The following MED13L variants were observed in gnomAD, a reference collection of about 807,000 sequenced individuals.
The protein encoded by MED13L is mediator of RNA polymerase II transcription subunit 13-like.
In MED13L, 7 loss-of-function variants were observed where a neutral mutation model predicts 220.9. The ratio of observed to expected loss-of-function variants is 0.03; its 90% CI spans 0.02 to 0.06. The LOEUF (loss-of-function observed/expected upper bound fraction) is 0.06, where lower values mean the gene tolerates loss of function less well. Among genes scored for constraint, MED13L ranks in the 10% least tolerant of loss-of-function variants. The probability of loss-of-function intolerance (pLI) is 1.00; values close to 1 mark genes in which losing one functional copy is unlikely to be tolerated. For missense variants in MED13L, 1,965 were observed against 2,760.5 expected (o/e 0.71, Z 6.46); for synonymous variants, 1,011 against 1,015.2 (o/e 1.00, Z 0.08).
chr12:116,077,084 C>CGGAT (rs1421742665), intron 4 of MED13L, among the ~76,000 whole-genome samples: 1 of 152,162 alleles, frequency 6.6e-6, no homozygotes, highest in Admixed American at 6.5e-5. Flanking sequence ...CCAAGGCATC[C>CGGAT]AAACCTTACA....
chr12:116,230,422 A>C, intron 2 of MED13L: 1 of 942,176 alleles, frequency 1.1e-6, no homozygotes, highest in Non-Finnish European at 1.3e-6. Flanking sequence ...AAAAAGTAAA[A>C]TGAAACTTAC....
At chr12:116,119,015 T>A (rs951908308) in intron 2 of MED13L, among the ~76,000 whole-genome samples, 1 of 152,154 alleles carries the variant, frequency 6.6e-6, no homozygotes, top group Non-Finnish European at 1.5e-5. Context: ...AGGCACTACA[T>A]ATAAATGGGG....
At chr12:115,972,403 C>G in intron 25 of MED13L, 167 bp from the exon 26 acceptor site, 2 of 762,626 alleles carry the variant, frequency 2.6e-6, no homozygotes, top group Non-Finnish European at 4.4e-6. Context: ...TGTTACTCGA[C>G]TTCTATTACA....
In MED13L at chr12:116,007,548, G is replaced by C. The variant is rs763135121; in HGVS notation, c.2101C>G (p.Leu701Val). Residue 701 changes from leucine (L) to valine (V), a missense_variant, in exon 11 of 31, where the codon CTA (leucine) becomes GTA (valine). Leu to Val is a conservative substitution (Grantham distance 32). This residue lies in a region of MED13L where 818 missense variants were observed against 1,041.2 expected (regional missense o/e 0.79). Transcript: ENST00000281928. Reference protein sequence around the residue: ...QPLHFLDPLPLSQQPGDSLGE... With the variant: ...QPLHFLDPLPVSQQPGDSLGE... ...AAACTGTCTCCAGGTTGTTGTGATA[G>C]AGGCAATGGGTCAAGGAAGTGGAGT... 6 of 1,613,032 alleles carry C rather than the reference G, an allele frequency of 3.7e-6. No homozygotes were observed. Among genetic ancestry groups the C allele is most frequent in the Non-Finnish European group, 5.1e-6 (6 of 1,179,870 alleles).
At chr12:116,210,397 T>C (rs1287151620) in intron 2 of MED13L, among the ~76,000 whole-genome samples, 1 of 151,914 alleles carries the variant, frequency 6.6e-6, no homozygotes, top group East Asian at 1.9e-4. Context: ...ATATTGTTAC[T>C]TCTCTCAAAC....
intron 4 of MED13L, among the ~76,000 whole-genome samples, chr12:116,067,043 T>C (rs896260361): frequency 1.3e-5 from 2 of 152,064 alleles, no homozygotes; most frequent in Non-Finnish European, 2.9e-5. Flanking sequence ...GTGGAAATAA[T>C]TGTGGAGGAC....
At chr12:116,051,347 T>C (rs1038093693) in intron 4 of MED13L, among the ~76,000 whole-genome samples, 2 of 152,152 alleles carry the variant, frequency 1.3e-5, no homozygotes, top group Non-Finnish European at 2.9e-5. Flanking sequence ...TTAACTTCAA[T>C]AATTTTTAAA....
intron 2 of MED13L, among the ~76,000 whole-genome samples, chr12:116,214,644 C>G (rs1593172986): frequency 6.6e-6 from 1 of 151,956 alleles, no homozygotes; most frequent in South Asian, 2.1e-4. Context: ...AGCTTTTTTT[C>G]TCTTGATCTC....
chr12:116,191,946 C>A (rs1881316341), intron 2 of MED13L, among the ~76,000 whole-genome samples: 1 of 152,146 alleles, frequency 6.6e-6, no homozygotes, highest in Admixed American at 6.5e-5. Flanking sequence ...AGAATACACA[C>A]AAACTATTAA....
chr12:116,037,326 CTT>C (rs1881251499), intron 4 of MED13L, among the ~76,000 whole-genome samples: 1 of 152,162 alleles, frequency 6.6e-6, no homozygotes, highest in African/African-American at 2.4e-5. Flanking sequence ...GCAGTCAAAA[CTT>C]TGTTTTATGC....
chr12:116,096,670 T>C lies in MED13L; in HGVS notation c.478A>G (p.Ser160Gly), dbSNP rs769061925. 6 of 1,613,786 alleles carry C rather than the reference T, an allele frequency of 3.7e-6. No homozygotes were observed. The South Asian group carries it at 5.5e-5, about 15-fold the overall frequency. The change falls in exon 4 of 31, where the codon AGT becomes GGT. Residue 160 changes from serine to glycine, a missense_variant and splice_region_variant. Around this residue, in one of 10 missense-constraint regions of MED13L, gnomAD observed 818 missense variants for 1,041.2 expected, o/e 0.79. Transcript: ENST00000281928. ...GCCAAGAGCATTCTAAAGGCTCACC[T>C]TTTGTTGACTGGCTTTTCATCCTTT... is the stretch of plus-strand genomic sequence containing the variant. ...YEKDEKPVNK[S>G]EHLSCAFTFF...
At chr12:115,993,923 G>A (rs994241717) in intron 16 of MED13L, among the ~76,000 whole-genome samples, 2 of 152,188 alleles carry the variant, frequency 1.3e-5, no homozygotes, top group African/African-American at 2.4e-5. Flanking sequence ...GATTGCAGGG[G>A]TATTGCATGT....
intron 2 of MED13L, among the ~76,000 whole-genome samples, chr12:116,205,378 G>C (rs537399926): frequency 1.3e-5 from 2 of 150,872 alleles, no homozygotes; most frequent in African/African-American, 4.9e-5. Context: ...AACAGAACTA[G>C]TCCTCTTCTC....
At chr12:116,276,482 G>T in intron 1 of MED13L, 2 of 1,288,448 alleles carry the variant, frequency 1.6e-6, no homozygotes, top group Non-Finnish European at 2.0e-6. Flanking sequence ...AGTAAGCCCC[G>T]AGAGGCAGGC....
intron 9 of MED13L, among the ~76,000 whole-genome samples, chr12:116,012,375 CTCGATCAAAAAACA>C (rs1161288856): frequency 2.0e-5 from 3 of 152,194 alleles, no homozygotes; most frequent in African/African-American, 7.2e-5. Context: ...AAATACCTGT[CTCGATCAAAAAACA>C]CCACTGCTAG....
intron 4 of MED13L, among the ~76,000 whole-genome samples, chr12:116,043,737 T>C (rs539467117): frequency 1.3e-5 from 2 of 152,260 alleles, no homozygotes; most frequent in East Asian, 3.9e-4. Flanking sequence ...CTCAGCTCAA[T>C]CCATACCCCT....
intron 2 of MED13L, among the ~76,000 whole-genome samples, chr12:116,198,200 T>C (rs567751012): frequency 1.3e-3 from 197 of 152,314 alleles, no homozygotes; most frequent in Admixed American, 3.0e-3. Context: ...AAATATTTCA[T>C]CTTTTCCTCC....
intron 4 of MED13L, among the ~76,000 whole-genome samples, chr12:116,038,924 A>T (rs1881360937): frequency 6.6e-6 from 1 of 151,792 alleles, no homozygotes; most frequent in African/African-American, 2.4e-5. Flanking sequence ...CGCCTCGTTA[A>T]ATTTACTATA....
At chr12:116,070,140 C>T (rs1453586841) in intron 4 of MED13L, among the ~76,000 whole-genome samples, 1 of 152,090 alleles carries the variant, frequency 6.6e-6, no homozygotes, top group Non-Finnish European at 1.5e-5. Flanking sequence ...AAGTAGCTGC[C>T]AGGGGTCATG....
Sources: allele counts gnomAD v4.1 joint callset (sites outside exome capture counted in the v4.1 genomes callset), GRCh38; gene constraint gnomAD v4.1.1; regional missense constraint gnomAD v4.1.1; transcripts MANE v1.5; gene names NCBI Gene and HGNC (gene_info 2026-07-23, HGNC 2026-07-21).